GRID2: variants seen among roughly 807,000 people sequenced by gnomAD.
GRID2 encodes the protein glutamate receptor ionotropic, delta-2.
GRID2 carries 33 observed loss-of-function variants against 114.8 expected under a neutral mutation model. The ratio of observed to expected loss-of-function variants is 0.29; its 90% confidence interval spans 0.22 to 0.38. The LOEUF (loss-of-function observed/expected upper bound fraction) is 0.38, where lower values mean the gene tolerates loss of function less well. Ranked by LOEUF, GRID2 falls within the 10% of genes least tolerant of loss-of-function variation. The pLI, the probability that GRID2 is intolerant of heterozygous loss-of-function variation, is 1.00. For missense variants in GRID2, 1,184 were observed against 1,257.7 expected, an observed-to-expected ratio of 0.94 and a Z score of 0.89; for synonymous variants, 505 against 449.9, an observed-to-expected ratio of 1.12 and a Z score of -1.55.
intron 1 of GRID2, among the ~76,000 whole-genome samples, chr4:93,799,652 G>T (rs1427908775): frequency 6.6e-6 from 1 of 151,950 alleles, no homozygotes; most frequent in Non-Finnish European, 1.5e-5. Context: ...GAGACTATGT[G>T]GTTATCTGGT....
chr4:93,678,118 T>C (rs1429479475), intron 14 of GRID2, among the ~76,000 whole-genome samples: 3 of 152,020 alleles, frequency 2.0e-5, no homozygotes, highest in African/African-American at 7.2e-5. Context: ...GCTCGAGAAC[T>C]GCATGAAGAA....
intron 2 of GRID2, among the ~76,000 whole-genome samples, chr4:92,598,724 T>C (rs1729065380): frequency 6.6e-6 from 1 of 152,220 alleles, no homozygotes; most frequent in African/African-American, 2.4e-5. Context: ...GTGATTATTG[T>C]GTAATGATTA....
intron 2 of GRID2, among the ~76,000 whole-genome samples, chr4:92,720,418 A>G (rs541822289): frequency 1.3e-5 from 2 of 152,148 alleles, no homozygotes; most frequent in African/African-American, 4.8e-5. Context: ...TACTCAGATG[A>G]GTTAAATGGA....
At chr4:93,415,902 CA>C (rs1409747317) in intron 9 of GRID2, among the ~76,000 whole-genome samples, 1 of 151,790 alleles carries the variant, frequency 6.6e-6, no homozygotes, top group African/African-American at 2.4e-5. Context: ...GTTAGGATGA[CA>C]GTATTTTTAT....
At chr4:93,794,428 T>G (rs756292658) in intron 1 of GRID2, among the ~76,000 whole-genome samples, 35 of 152,280 alleles carry the variant, frequency 2.3e-4, no homozygotes, top group Non-Finnish European at 4.9e-4. Context: ...GGGACAACTT[T>G]GGGACACAAA....
chr4:93,674,044 C>T (rs936213982), intron 14 of GRID2, among the ~76,000 whole-genome samples: 2 of 152,014 alleles, frequency 1.3e-5, no homozygotes, highest in African/African-American at 4.8e-5. Context: ...GCTCCTTTGA[C>T]TCATGGCATA....
chr4:93,099,404 T>A (rs553562353), intron 3 of GRID2, among the ~76,000 whole-genome samples: 1 of 152,046 alleles, frequency 6.6e-6, no homozygotes, highest in South Asian at 2.1e-4. Context: ...TTTCTTATAG[T>A]TTCAGGATAG....
chr4:92,713,940 T>C (rs1735405377), intron 2 of GRID2, among the ~76,000 whole-genome samples: 1 of 152,040 alleles, frequency 6.6e-6, no homozygotes, highest in African/African-American at 2.4e-5. Flanking sequence ...CCAAATCTCA[T>C]GTCTTCACAT....
At chr4:92,811,319 G>T (rs1040435919) in intron 2 of GRID2, among the ~76,000 whole-genome samples, 6 of 151,860 alleles carry the variant, frequency 4.0e-5, no homozygotes, top group Admixed American at 3.3e-4. Context: ...ATTGGAAAAG[G>T]AAAATTCCGT....
intron 2 of GRID2, among the ~76,000 whole-genome samples, chr4:92,738,363 C>T (rs543999168): frequency 2.6e-5 from 4 of 151,918 alleles, no homozygotes; most frequent in African/African-American, 4.8e-5. Flanking sequence ...TTAGCTTATT[C>T]GCCCCAGAAA....
chr4:93,078,339 A>G (rs1201278542), intron 2 of GRID2, among the ~76,000 whole-genome samples: 1 of 152,140 alleles, frequency 6.6e-6, no homozygotes, highest in African/African-American at 2.4e-5. Context: ...TCATAGAATA[A>G]CGTTCTCTTT....
chr4:93,126,581 A>ATTTTTT (rs1553992077), intron 4 of GRID2, among the ~76,000 whole-genome samples: 1 of 76,568 alleles, frequency 1.3e-5, no homozygotes, highest in African/African-American at 4.9e-5. Context: ...TAACTATTTA[A>ATTTTTT]TTCTTTTTTT....
At position 93,217,997 on chromosome 4, in the gene GRID2, A is replaced by G. The variant is rs538511307; in HGVS notation, c.963+1086A>G. On this transcript the variant is annotated intron_variant, in intron 6 of 15. Transcript: ENST00000282020. Reference sequence around the variant, plus strand: ...TAGGAAAACTAGTTCCTCTCTAATAATACTAGATAAATAAGGTGCTTTTGC... The same window carrying G: ...TAGGAAAACTAGTTCCTCTCTAATAGTACTAGATAAATAAGGTGCTTTTGC... Among the ~76,000 whole-genome samples the G allele has an allele frequency of 1.1e-4, 16 of 152,030 alleles. No homozygotes were observed. In the South Asian group the frequency reaches 2.1e-3, roughly 20 times the overall value.
intron 1 of GRID2, among the ~76,000 whole-genome samples, chr4:92,360,807 G>A (rs1728580299): frequency 6.6e-6 from 1 of 151,858 alleles, no homozygotes; most frequent in African/African-American, 2.4e-5. Context: ...AAATCACATT[G>A]GCAATCCTGA....
intron 2 of GRID2, among the ~76,000 whole-genome samples, chr4:92,789,797 G>A (rs548595197): frequency 3.2e-4 from 48 of 151,802 alleles, no homozygotes; most frequent in African/African-American, 1.0e-3. Context: ...TATCACACAC[G>A]TCCACTGATT....
chr4:92,814,339 A>G (rs1428289602), intron 2 of GRID2, among the ~76,000 whole-genome samples: 1 of 152,180 alleles, frequency 6.6e-6, no homozygotes. Context: ...TAATAACTAA[A>G]GAGGAGTCTA....
chr4:92,769,418 C>T (rs530010190), intron 2 of GRID2, among the ~76,000 whole-genome samples: 1 of 152,242 alleles, frequency 6.6e-6, no homozygotes, highest in Admixed American at 6.5e-5. Flanking sequence ...GGTGGAGCTA[C>T]CATTTTGGGG....
At chr4:93,654,481 A>C (rs1032415724) in intron 14 of GRID2, among the ~76,000 whole-genome samples, 1 of 152,168 alleles carries the variant, frequency 6.6e-6, no homozygotes. Context: ...GCAATATTTC[A>C]AAGTCACAGC....
chr4:92,872,538 A>T (rs1745348712), intron 2 of GRID2, among the ~76,000 whole-genome samples: 1 of 152,230 alleles, frequency 6.6e-6, no homozygotes. Flanking sequence ...TGGATGATTA[A>T]AAATAAGAAA....
Sources: allele counts gnomAD v4.1 joint callset (sites outside exome capture counted in the v4.1 genomes callset), GRCh38; gene constraint gnomAD v4.1.1; transcripts MANE v1.5; gene names NCBI Gene and HGNC (gene_info 2026-07-23, HGNC 2026-07-21).